The following PTPRD variants were observed in gnomAD, a reference collection of about 807,000 sequenced individuals.
PTPRD encodes protein tyrosine phosphatase receptor type D.
A neutral mutation model predicts 214.5 loss-of-function variants in PTPRD; 34 were observed. That is an observed-to-expected ratio of 0.16 (90% CI 0.12 to 0.21). PTPRD has a LOEUF of 0.21. Ranked by LOEUF, PTPRD falls within the 10% of genes least tolerant of loss-of-function variation. The probability of loss-of-function intolerance (pLI) is 1.00; values close to 1 mark genes in which losing one functional copy is unlikely to be tolerated. For missense variants in PTPRD, 2,545 were observed against 2,398.7 expected (o/e 1.06, Z -1.27); for synonymous variants, 1,128 against 845.7 (o/e 1.33, Z -5.79).
At chr9:8,366,003 C>G (rs568354560) in intron 39 of PTPRD, among the ~76,000 whole-genome samples, 1 of 152,182 alleles carries the variant, frequency 6.6e-6, no homozygotes, top group South Asian at 2.1e-4. Context: ...GGTAGCAATG[C>G]TAACTGACAG....
chr9:10,219,092 A>T (rs771859815), intron 3 of PTPRD, among the ~76,000 whole-genome samples: 4 of 151,920 alleles, frequency 2.6e-5, no homozygotes, highest in Admixed American at 2.6e-4. Flanking sequence ...TTAATCAAAG[A>T]TATATCCAAA....
At chr9:10,540,276 C>T (rs1034525229) in intron 2 of PTPRD, among the ~76,000 whole-genome samples, 2 of 152,180 alleles carry the variant, frequency 1.3e-5, no homozygotes, top group African/African-American at 4.8e-5. Context: ...GATCTTCCTG[C>T]CTCGGCCTCC....
At position 9,693,706 on chromosome 9, in the gene PTPRD, C is replaced by T. The variant is rs142394664; in HGVS notation, c.-287+40827G>A. 7.9e-5 allele frequency among the ~76,000 whole-genome samples: 12 copies of T among 152,266 alleles called. No individual in the cohort carries two copies. The East Asian group carries it at 2.3e-3, about 29-fold the overall frequency. On this transcript the variant is annotated intron_variant, in intron 7 of 45. Transcript: ENST00000381196. Reference sequence around the variant, plus strand: ...ACTTCTATGTCTTTCTCTACCTCCTCTTTAATTAAGGCCACTCTTAGACTT... The same window carrying T: ...ACTTCTATGTCTTTCTCTACCTCCTTTTTAATTAAGGCCACTCTTAGACTT...
chr9:8,827,908 C>T (rs939835421), intron 11 of PTPRD, among the ~76,000 whole-genome samples: 3 of 152,116 alleles, frequency 2.0e-5, no homozygotes, highest in Non-Finnish European at 4.4e-5. Flanking sequence ...GAAATATCTA[C>T]ATTTTTATAT....
At chr9:10,330,825 T>C (rs1203659254) in intron 3 of PTPRD, among the ~76,000 whole-genome samples, 3 of 151,850 alleles carry the variant, frequency 2.0e-5, no homozygotes, top group African/African-American at 4.8e-5. Flanking sequence ...TAAGCTCCTT[T>C]GATTCTCCTT....
At position 9,018,698 on chromosome 9, in the gene PTPRD, T is replaced by C. The variant is rs2099546655; in HGVS notation, c.-105A>G. On this transcript the variant is annotated splice_region_variant and 5_prime_UTR_variant, in exon 11 of 46. Coordinates refer to ENST00000381196, the MANE Select transcript of PTPRD (RefSeq NM_002839.4). ...AACCCAGTATGCTTTAAATCTTACT[T>C]GTTCTTTAGATCCCACGGGTGTTCA... is the stretch of plus-strand genomic sequence containing the variant. 1 of 152,180 alleles carries C rather than the reference T, an allele frequency of 6.6e-6. No individual in the cohort carries two copies. The highest frequency in any genetic ancestry group is 6.5e-5 in the Admixed American group (1 of 15,272). 9.4% of individuals were successfully genotyped at this position (152,180 alleles called of 1,614,324 possible). A position where few individuals can be genotyped will look rare whatever the true frequency, so the allele number is the denominator to read the frequency against.
intron 7 of PTPRD, among the ~76,000 whole-genome samples, chr9:9,664,933 T>G (rs928445528): frequency 6.6e-6 from 1 of 151,748 alleles, no homozygotes; most frequent in African/African-American, 2.4e-5. Context: ...CAGAAACTTG[T>G]ATTTTAAAAT....
intron 9 of PTPRD, among the ~76,000 whole-genome samples, chr9:9,366,080 A>G (rs916865752): frequency 7.9e-5 from 12 of 151,540 alleles, no homozygotes; most frequent in Non-Finnish European, 3.0e-5. Flanking sequence ...GAATAAGTCT[A>G]TTGCATGAGA....
chr9:10,190,201 T>G (rs551141863), intron 3 of PTPRD, among the ~76,000 whole-genome samples: 1 of 151,300 alleles, frequency 6.6e-6, no homozygotes, highest in African/African-American at 2.4e-5. Flanking sequence ...ACCTCGTCTC[T>G]ACTAAAAATA....
chr9:8,528,296 C>A, intron 15 of PTPRD: 1 of 445,198 alleles, frequency 2.2e-6, no homozygotes, highest in East Asian at 3.4e-5. Flanking sequence ...AAAATGGATC[C>A]ATCAAATACT....
At chr9:9,800,275 C>T (rs1311341742) in intron 5 of PTPRD, among the ~76,000 whole-genome samples, 3 of 152,116 alleles carry the variant, frequency 2.0e-5, no homozygotes, top group Non-Finnish European at 4.4e-5. Flanking sequence ...TTCCAGCCTA[C>T]AGTGAGCTAT....
intron 11 of PTPRD, among the ~76,000 whole-genome samples, chr9:8,927,480 T>A (rs2098909098): frequency 6.6e-6 from 1 of 152,030 alleles, no homozygotes; most frequent in Non-Finnish European, 1.5e-5. Flanking sequence ...GTTCCTGTGT[T>A]AGTTTGCTGA....
intron 11 of PTPRD, among the ~76,000 whole-genome samples, chr9:8,925,114 T>C (rs2098863777): frequency 6.6e-6 from 1 of 152,180 alleles, no homozygotes; most frequent in South Asian, 2.1e-4. Context: ...CTGTCCTTTG[T>C]CCGATTCTCT....
At chr9:8,330,313 A>ATGTT (rs1838813494) in intron 44 of PTPRD, among the ~76,000 whole-genome samples, 1 of 152,128 alleles carries the variant, frequency 6.6e-6, no homozygotes, top group Non-Finnish European at 1.5e-5. Flanking sequence ...CTATTCAGCC[A>ATGTT]TCTTTCCAGC....
chr9:10,300,206 A>G (rs775373488), intron 3 of PTPRD, among the ~76,000 whole-genome samples: 1 of 152,146 alleles, frequency 6.6e-6, no homozygotes, highest in Non-Finnish European at 1.5e-5. Flanking sequence ...TTAAAATTCT[A>G]ATGGGAAGAT....
chr9:9,621,012 C>T (rs576077223), intron 7 of PTPRD, among the ~76,000 whole-genome samples: 1 of 152,142 alleles, frequency 6.6e-6, no homozygotes, highest in Non-Finnish European at 1.5e-5. Context: ...AGACCCAATT[C>T]CCCTTGTGTT....
chr9:9,682,885 G>C (rs921542253), intron 7 of PTPRD, among the ~76,000 whole-genome samples: 4 of 151,444 alleles, frequency 2.6e-5, no homozygotes, highest in Admixed American at 2.6e-4. Context: ...CAGGGAAAAA[G>C]AGAGTTTTCT....
intron 35 of PTPRD, among the ~76,000 whole-genome samples, chr9:8,421,370 T>TCTCTTCTCTTC (rs1554921174): frequency 8.9e-5 from 13 of 146,644 alleles, no homozygotes; most frequent in Non-Finnish European, 1.9e-4. Flanking sequence ...TTCTCTTCTC[T>TCTCTTCTCTTC]TCTCTCTCTC....
At chr9:8,763,317 G>C (rs1344996316) in intron 11 of PTPRD, among the ~76,000 whole-genome samples, 1 of 151,872 alleles carries the variant, frequency 6.6e-6, no homozygotes, top group Non-Finnish European at 1.5e-5. Flanking sequence ...TTCGAGACCA[G>C]CCTAGCCAAT....
Sources: gnomAD v4.1 joint callset for allele counts (sites outside exome capture counted in the v4.1 genomes callset) on GRCh38, gnomAD v4.1.1 for gene constraint, MANE v1.5 for transcripts, NCBI Gene and HGNC (gene_info 2026-07-23, HGNC 2026-07-21) for gene names.